Variants in TMEM181 observed in about 807,000 individuals in gnomAD.
TMEM181 encodes G protein-coupled receptor 178.
In TMEM181, 39 loss-of-function variants were observed where a neutral mutation model predicts 71.9. That is an observed-to-expected ratio of 0.54 (90% CI 0.42 to 0.71). TMEM181 has a LOEUF of 0.71. TMEM181 is among the 30% of genes least tolerant of loss of function. TMEM181 has a pLI of 0.00. For synonymous variants in TMEM181, 245 were observed against 228.8 expected, an observed-to-expected ratio of 1.07 and a Z score of -0.64; for missense variants, 595 against 583.0, an observed-to-expected ratio of 1.02 and a Z score of -0.21.
chr6:158,617,012 A>G (rs1388472081), intron 10 of TMEM181, among the ~76,000 whole-genome samples: 1 of 152,204 alleles, frequency 6.6e-6, no homozygotes, highest in Non-Finnish European at 1.5e-5. Flanking sequence ...TGAGTTAGGG[A>G]GGATTCCTTC....
At chr6:158,583,181 C>T (rs1271821140) in intron 3 of TMEM181, among the ~76,000 whole-genome samples, 1 of 151,912 alleles carries the variant, frequency 6.6e-6, no homozygotes, top group East Asian at 1.9e-4. Context: ...TGCAGTGAGC[C>T]GAGATCACGC....
At position 158,560,126 on chromosome 6, in the gene TMEM181, C is replaced by CGCTCCGGCTCCG; in HGVS notation, c.-95_-84dup. ...CGGCCGGCCGCTGCTCAGCCGCTGT[C>CGCTCCGGCTCCG]GCTCCGGCTCCGGCTGCGGCTGCCG... On this transcript the variant is annotated 5_prime_UTR_variant, in exon 1 of 17. Coordinates refer to ENST00000684151, the MANE Select transcript of TMEM181 (RefSeq NM_001376852.1). 14 of 984,834 alleles carry CGCTCCGGCTCCG rather than the reference C, an allele frequency of 1.4e-5. No individual in the cohort carries two copies. Among genetic ancestry groups the CGCTCCGGCTCCG allele is most frequent in the Non-Finnish European group, 1.7e-5 (14 of 829,692 alleles). The allele number at this position is 984,834 out of a possible 1,614,324, so 61.0% of individuals were successfully genotyped here.
At chr6:158,577,035 C>G (rs1464136435) in intron 2 of TMEM181, among the ~76,000 whole-genome samples, 1 of 142,954 alleles carries the variant, frequency 7.0e-6, no homozygotes, top group Admixed American at 7.3e-5. Context: ...GCACTCCAGC[C>G]TGGGCAATAG....
At chr6:158,540,251 G>A (rs1467282821) in intron 1 of TMEM181, among the ~76,000 whole-genome samples, 1 of 152,206 alleles carries the variant, frequency 6.6e-6, no homozygotes, top group Non-Finnish European at 1.5e-5. Flanking sequence ...GACATGGAAT[G>A]TTCACGCACT....
At chr6:158,546,052 T>C (rs951033741) in intron 1 of TMEM181, among the ~76,000 whole-genome samples, 1 of 152,218 alleles carries the variant, frequency 6.6e-6, no homozygotes, top group Non-Finnish European at 1.5e-5. Flanking sequence ...ACCGGGGCAG[T>C]GTTTCTGATG....
At chr6:158,619,274 C>G (rs147824718) in intron 10 of TMEM181, among the ~76,000 whole-genome samples, 20,568 of 152,228 alleles carry the variant, frequency 0.14, 1,546 homozygotes, top group Middle Eastern at 0.2. Context: ...CTTTCTTCCA[C>G]TTGATCGAAT....
At chr6:158,578,145 C>T (rs927557625) in intron 2 of TMEM181, among the ~76,000 whole-genome samples, 4 of 152,108 alleles carry the variant, frequency 2.6e-5, no homozygotes, top group South Asian at 4.1e-4. Flanking sequence ...AAGAATCCTA[C>T]GTGTAGCAAA....
At chr6:158,560,601 C>T (rs1315103577) in intron 1 of TMEM181, among the ~76,000 whole-genome samples, 1 of 152,134 alleles carries the variant, frequency 6.6e-6, no homozygotes, top group East Asian at 1.9e-4. Flanking sequence ...CGCCGCCTCC[C>T]GGGCAGCCTC....
intron 7 of TMEM181, 127 bp downstream of exon 7, chr6:158,605,474 T>C: frequency 9.6e-6 from 8 of 837,550 alleles, no homozygotes; most frequent in South Asian, 8.5e-5. Flanking sequence ...TCCAGTGGGC[T>C]GTGCTGATAT....
chr6:158,602,650 G>C (rs535143664), intron 6 of TMEM181, among the ~76,000 whole-genome samples: 34 of 151,518 alleles, frequency 2.2e-4, no homozygotes, highest in Non-Finnish European at 4.3e-4. Context: ...TTGCTCTGTC[G>C]CCTAGGCTAG....
intron 10 of TMEM181, chr6:158,610,332 C>T (rs1230326998): frequency 6.9e-6 from 2 of 289,276 alleles, no homozygotes; most frequent in Admixed American, 3.9e-5. Context: ...TCTCTTTCAA[C>T]AGCTCCCCCC....
chr6:158,587,801 G>A (rs1279061917), intron 5 of TMEM181, among the ~76,000 whole-genome samples: 1 of 152,134 alleles, frequency 6.6e-6, no homozygotes. Context: ...AACCGCTGGT[G>A]TAGTTTTTTT....
intron 1 of TMEM181, among the ~76,000 whole-genome samples, chr6:158,541,242 T>A (rs560444862): frequency 6.6e-6 from 1 of 151,642 alleles, no homozygotes; most frequent in East Asian, 1.9e-4. Flanking sequence ...GTGGCGAAAC[T>A]CCATCTCTAC....
rs181500880 is a variant in TMEM181 at position 158,590,406 on chromosome 6, A to G, written c.492+624A>G. Among the ~76,000 whole-genome samples, 854 of 151,990 alleles carry G rather than the reference A, an allele frequency of 5.6e-3. 4 individuals carry two copies. Among genetic ancestry groups the G allele is most frequent in the Non-Finnish European group, 8.2e-3 (555 of 67,958 alleles). On this transcript the variant is annotated intron_variant, in intron 6 of 16. Coordinates refer to ENST00000684151, the MANE Select transcript of TMEM181 (RefSeq NM_001376852.1). The stretch of plus-strand genomic sequence containing the variant: ...AAAAAACAGCTTTATCAAAGTAGAA[A>G]GTTTGCTTGCCCTTTTAATGAAAGC...
At chr6:158,603,630 A>G (rs1784790854) in intron 6 of TMEM181, among the ~76,000 whole-genome samples, 1 of 127,356 alleles carries the variant, frequency 7.9e-6, no homozygotes, top group South Asian at 2.4e-4. Flanking sequence ...GATAGCTTCT[A>G]TTGCTGTGCC....
At chr6:158,552,168 G>A (rs550124188) in intron 1 of TMEM181, among the ~76,000 whole-genome samples, 56 of 152,282 alleles carry the variant, frequency 3.7e-4, no homozygotes, top group Non-Finnish European at 5.6e-4. Context: ...ATCAAAAATC[G>A]AATTGAGATA....
chr6:158,601,065 C>A (rs1427507108), intron 6 of TMEM181, among the ~76,000 whole-genome samples: 3 of 152,158 alleles, frequency 2.0e-5, no homozygotes, highest in African/African-American at 7.2e-5. Flanking sequence ...TATATCAACA[C>A]TCCCCCCAAA....
chr6:158,569,359 C>A (rs1782679614), intron 1 of TMEM181, among the ~76,000 whole-genome samples: 1 of 152,226 alleles, frequency 6.6e-6, no homozygotes, highest in Non-Finnish European at 1.5e-5. Flanking sequence ...CTCTCACCCA[C>A]GAGCCTGTTG....
chr6:158,584,085 A>C (rs781085206), intron 4 of TMEM181, 41 bp downstream of exon 4: 12 of 1,520,640 alleles, frequency 7.9e-6, no homozygotes, highest in Non-Finnish European at 8.1e-6. Flanking sequence ...TCATTATACG[A>C]AGAAACATCG....
Sources: gnomAD v4.1 joint callset for allele counts (sites outside exome capture counted in the v4.1 genomes callset) on GRCh38, gnomAD v4.1.1 for gene constraint, MANE v1.5 for transcripts, NCBI Gene and HGNC (gene_info 2026-07-23, HGNC 2026-07-21) for gene names.